PSMG1: variants seen among roughly 807,000 people sequenced by gnomAD.
PSMG1 encodes proteasome assembly chaperone 1.
Under a neutral mutation model 37.2 loss-of-function variants are expected in PSMG1, and 23 were observed. The ratio of observed to expected loss-of-function variants is 0.62; its 90% confidence interval spans 0.44 to 0.88. The LOEUF is 0.88. Ranked by LOEUF, PSMG1 falls within the 40% of genes least tolerant of loss-of-function variation. The probability of loss-of-function intolerance (pLI) is 0.00; values close to 1 mark genes in which losing one functional copy is unlikely to be tolerated. For synonymous variants in PSMG1, 127 were observed against 128.0 expected (o/e 0.99, Z 0.05); for missense variants, 340 against 344.2 (o/e 0.99, Z 0.10).
At chr21:39,175,773 C>T (rs2030605208) in intron 6 of PSMG1, 109 bp from the exon 7 acceptor site, 1 of 751,706 alleles carries the variant, frequency 1.3e-6, no homozygotes, top group Non-Finnish European at 2.3e-6. Context: ...TAAAAACAGC[C>T]ATGGGACAGG....
intron 4 of PSMG1, among the ~76,000 whole-genome samples, chr21:39,179,012 G>A (rs1008273699): frequency 1.3e-5 from 2 of 152,126 alleles, no homozygotes; most frequent in African/African-American, 4.8e-5. Context: ...CCACCCTGTT[G>A]GTGATACGTG....
At position 39,183,272 on chromosome 21, in the gene PSMG1, A is replaced by G. The variant is rs754274901; in HGVS notation, c.114T>C (p.Arg38=). Residue 38 remains arginine, a synonymous_variant, in exon 1 of 7, where the codon CGT becomes CGC. Coordinates refer to ENST00000331573, the MANE Select transcript of PSMG1 (RefSeq NM_003720.4). ...CTCACCTCTTCCGCGCCAGCTGCAG[A>G]CGCACCTCCCTGTCCTCGGGCGTCT... ...RRETPEDREV[R]LQLARKREVR... 3.8e-6 allele frequency: 6 copies of G among 1,586,402 alleles called. No homozygotes were observed. The highest frequency in any genetic ancestry group is 3.4e-6 in the Non-Finnish European group (4 of 1,169,900).
chr21:39,182,779 C>T (rs1299777936), intron 1 of PSMG1, among the ~76,000 whole-genome samples: 1 of 152,130 alleles, frequency 6.6e-6, no homozygotes, highest in Non-Finnish European at 1.5e-5. Flanking sequence ...GCTACTGACA[C>T]ATCATGCTAA....
In PSMG1 at chr21:39,183,359, C is replaced by A; in HGVS notation, c.27G>T (p.Val9=). The A allele has an allele frequency of 6.3e-7, 1 of 1,575,430 alleles. No individual in the cohort carries two copies. Among genetic ancestry groups the A allele is most frequent in the Non-Finnish European group, 8.6e-7 (1 of 1,164,114 alleles). Residue 9 remains valine (V), a synonymous_variant, in exon 1 of 7, where the codon GTG becomes GTT. Transcript: ENST00000331573. MAATFFGE[V]VKAPCRAGTE... is the part of the protein sequence containing the mutation. ...TCCCAGCTCGGCACGGCGCCTTCAC[C>A]ACCTCTCCGAAGAACGTGGCCGCCA... is the stretch of plus-strand genomic sequence containing the variant.
At chr21:39,177,120 A>G (rs1164647015) in intron 6 of PSMG1, among the ~76,000 whole-genome samples, 3 of 152,204 alleles carry the variant, frequency 2.0e-5, no homozygotes, top group African/African-American at 7.2e-5. Flanking sequence ...AAAATTAAAT[A>G]AAAATTTTTT....
intron 3 of PSMG1, 64 bp from the exon 4 acceptor site, chr21:39,180,050 T>C (rs2030770133): frequency 4.7e-6 from 7 of 1,491,968 alleles, no homozygotes; most frequent in East Asian, 2.3e-5. Flanking sequence ...ACTATCACCA[T>C]ATATGTAACA....
intron 2 of PSMG1, 97 bp downstream of exon 2, chr21:39,181,675 T>G (rs1013186859): frequency 2.3e-5 from 19 of 819,246 alleles, no homozygotes; most frequent in Non-Finnish European, 3.4e-5. Context: ...CTGTGGCTTT[T>G]TAAAGTACTA....
At chr21:39,179,718 C>T (rs186304016) in intron 4 of PSMG1, among the ~76,000 whole-genome samples, 15 of 149,858 alleles carry the variant, frequency 1.0e-4, no homozygotes, top group African/African-American at 3.2e-4. Context: ...GCATTGAGGA[C>T]GGGAGGACAC....
chr21:39,183,477 A>C, upstream of PSMG1: 1 of 1,430,710 alleles, frequency 7.0e-7, no homozygotes, highest in Non-Finnish European at 9.2e-7. Flanking sequence ...CGCGGGCAAT[A>C]AGTCCCGCCC....
intron 1 of PSMG1, chr21:39,182,937 C>T (rs2030913402): frequency 6.6e-6 from 2 of 301,342 alleles, no homozygotes; most frequent in South Asian, 1.6e-4. Flanking sequence ...AGACACCAAG[C>T]CTCCAGAAAT....
chr21:39,183,504 T>C (rs898159670), upstream of PSMG1: 146 of 1,262,622 alleles, frequency 1.2e-4, no homozygotes, highest in Non-Finnish European at 1.5e-4. Context: ...GGCCACGCCC[T>C]CCGCGCACAG....
At position 39,175,535 on chromosome 21, in the gene PSMG1, C is replaced by A; in HGVS notation, c.*55G>T. On this transcript the variant is annotated 3_prime_UTR_variant, in exon 7 of 7. Transcript: ENST00000331573. The stretch of plus-strand genomic sequence containing the variant: ...AAAGTAATCTACAAAAGAGTGCAGG[C>A]TGCTCCCCTTAAAGGAATGGACAAG... 1 of 1,552,904 alleles carries A rather than the reference C, an allele frequency of 6.4e-7. No individual in the cohort carries two copies. Among genetic ancestry groups the A allele is most frequent in the Admixed American group, 1.9e-5 (1 of 53,324 alleles).
At position 39,179,945 on chromosome 21, in the gene PSMG1, T is replaced by C. The variant is rs1211250396; in HGVS notation, c.435A>G (p.Gln145=). 5 of 1,613,036 alleles carry C rather than the reference T, an allele frequency of 3.1e-6. No individual in the cohort carries two copies. The highest frequency in any genetic ancestry group is 1.1e-5 in the South Asian group (1 of 91,082). Residue 145 remains glutamine (Q), a synonymous_variant, in exon 4 of 7, where the codon CAA becomes CAG. Transcript: ENST00000331573. ...TTACCTTTTCCAGCCACTGATACTG[T>C]TGATCTTCTGCAACATAGCAACTGC... ...CQCSCYVAED[Q]QYQWLEKVFG...
chr21:39,183,437 C>A lies in PSMG1; in HGVS notation c.-52G>T. The A allele has an allele frequency of 6.6e-7, 1 of 1,519,122 alleles. No homozygotes were observed. The highest frequency in any genetic ancestry group is 8.8e-7 in the Non-Finnish European group (1 of 1,137,514). 94.1% of individuals were successfully genotyped at this position (1,519,122 alleles called of 1,614,324 possible). ...ACTGCAGCGCCGCGGGACCGCACGC[C>A]GGCTTGCGCGAGACCACGCTCCCTC... On this transcript the variant is annotated 5_prime_UTR_variant, in exon 1 of 7. Coordinates refer to ENST00000331573, the MANE Select transcript of PSMG1 (RefSeq NM_003720.4).
chr21:39,183,248 T>C lies in PSMG1; in HGVS notation c.134+4A>G. 6.3e-7 allele frequency: 1 copy of C among 1,580,036 alleles called. No homozygotes were observed. The highest frequency in any genetic ancestry group is 8.6e-7 in the Non-Finnish European group (1 of 1,167,310). On this transcript the variant is annotated splice_donor_region_variant and intron_variant, in intron 1 of 6. Transcript: ENST00000331573. ...AGCGCGCTGCCCTTATCCCGGTGCC[T>C]CACCTCTTCCGCGCCAGCTGCAGAC...
In PSMG1 at chr21:39,175,154, A is replaced by G. The variant is rs187226877; in HGVS notation, c.*436T>C. 1.3e-5 allele frequency: 2 copies of G among 152,248 alleles called. No individual in the cohort carries two copies. Among genetic ancestry groups the G allele is most frequent in the Non-Finnish European group, 2.9e-5 (2 of 68,150 alleles). 9.4% of individuals were successfully genotyped at this position (152,248 alleles called of 1,614,324 possible). On this transcript the variant is annotated 3_prime_UTR_variant, in exon 7 of 7. Transcript: ENST00000331573. ...ATCTGTAGCTTTGAAAAATTTAACT[A>G]AAGTTGGGCACAGTGGCTCACACCT...
chr21:39,181,964 A>G lies in PSMG1; in HGVS notation c.135-86T>C, dbSNP rs535300619. 18 of 770,722 alleles carry G rather than the reference A, an allele frequency of 2.3e-5. No homozygotes were observed. In the East Asian group the frequency reaches 5.7e-4, roughly 24 times the overall value. 47.7% of individuals were successfully genotyped at this position (770,722 alleles called of 1,614,324 possible). On this transcript the variant is annotated intron_variant, in intron 1 of 6. Coordinates refer to ENST00000331573, the MANE Select transcript of PSMG1 (RefSeq NM_003720.4). Reference sequence around the variant, plus strand: ...GGGCACTATATGTATGATTTACAATAAATAAAATGCACGTTAGTTTTATAA... The same window carrying G: ...GGGCACTATATGTATGATTTACAATGAATAAAATGCACGTTAGTTTTATAA...
intron 5 of PSMG1, among the ~76,000 whole-genome samples, chr21:39,178,142 C>T (rs1271128771): frequency 1.3e-5 from 2 of 152,176 alleles, no homozygotes; most frequent in Non-Finnish European, 2.9e-5. Context: ...ACTTTATCAA[C>T]TTTTGATGCA....
At chr21:39,179,813 T>C in intron 4 of PSMG1, 111 bp downstream of exon 4, 2 of 937,090 alleles carry the variant, frequency 2.1e-6, no homozygotes, top group South Asian at 3.6e-5. Flanking sequence ...CCCACAATAT[T>C]TTAAAGAAAT....
Sources: gnomAD v4.1 joint callset for allele counts (sites outside exome capture counted in the v4.1 genomes callset) on GRCh38, gnomAD v4.1.1 for gene constraint, MANE v1.5 for transcripts, NCBI Gene and HGNC (gene_info 2026-07-23, HGNC 2026-07-21) for gene names.